Variants in C1QTNF9B observed in about 807,000 individuals in gnomAD.
The protein encoded by C1QTNF9B is complement C1q and tumor necrosis factor-related protein 9B.
In C1QTNF9B, 9 loss-of-function variants were observed where a neutral mutation model predicts 10.1. The ratio of observed to expected loss-of-function variants is 0.89; its 90% confidence interval spans 0.53 to 1.55. C1QTNF9B has a LOEUF of 1.55. Ranked by LOEUF, C1QTNF9B falls within the 40% of genes most tolerant of loss-of-function variation. The probability of loss-of-function intolerance (pLI) is 0.00; values close to 1 mark genes in which losing one functional copy is unlikely to be tolerated. For missense variants in C1QTNF9B, 196 were observed against 414.4 expected, an observed-to-expected ratio of 0.47 and a Z score of 4.58; for synonymous variants, 79 against 159.9, an observed-to-expected ratio of 0.49 and a Z score of 3.82.
chr13:23,897,177 A>T, upstream of C1QTNF9B: 2 of 661,564 alleles, frequency 3.0e-6, no homozygotes, highest in Non-Finnish European at 2.5e-6. Context: ...TATTACCAGG[A>T]TGACATTGTC....
chr13:23,891,663 C>T (rs1430328419), exon 3 of C1QTNF9B: 2 of 1,613,846 alleles, frequency 1.2e-6, no homozygotes, highest in South Asian at 1.1e-5. Context: ...TTGCTCAGCA[C>T]CGTGAGCCCC....
At chr13:23,891,846 C>G in exon 3 of C1QTNF9B, 1 of 1,611,128 alleles carries the variant, frequency 6.2e-7, no homozygotes, top group East Asian at 2.2e-5. Context: ...CCCGGTAAAC[C>G]AGTTGGGCCC....
intron 2 of C1QTNF9B, 130 bp downstream of exon 4, chr13:23,894,009 C>T (rs1872108629): frequency 8.6e-7 from 1 of 1,167,996 alleles, no homozygotes; most frequent in Non-Finnish European, 1.2e-6. Flanking sequence ...GCAGAATCCC[C>T]CCATCTGGAG....
chr13:23,892,555 T>G (rs1298558585), intron 2 of C1QTNF9B, among the ~76,000 whole-genome samples: 1 of 152,180 alleles, frequency 6.6e-6, no homozygotes, highest in Non-Finnish European at 1.5e-5. Flanking sequence ...TTCAGGAGGC[T>G]GAGGTGGGAG....
rs749157116 is a variant in C1QTNF9B, at chr13:23,891,508, A to C, written c.783T>G (p.Asn261Lys). The C allele has an allele frequency of 1.9e-6, 3 of 1,608,008 alleles. No individual in the cohort carries two copies. The South Asian group carries it at 3.3e-5, about 18-fold the overall frequency. The stretch of plus-strand genomic sequence containing the variant: ...CGTTTTTGACCAAAGACACCTGAAC[A>C]TTCCTGGAGAAAACAGTGATGTGGT... The change falls in exon 3 of 3, where the codon AAT becomes AAG. Residue 261 changes from asparagine (N) to lysine (K), a missense_variant. Asn to Lys is a moderately conservative substitution (Grantham distance 94). Transcript: ENST00000382137.
At chr13:23,896,705 T>G in intron 1 of C1QTNF9B, 116 bp downstream of exon 3, 1 of 1,458,046 alleles carries the variant, frequency 6.9e-7, no homozygotes, top group Non-Finnish European at 9.3e-7. Context: ...TGTTGCTGGG[T>G]GGATGGATGG....
upstream of C1QTNF9B, chr13:23,897,104 C>T: frequency 7.0e-7 from 1 of 1,429,540 alleles, no homozygotes. Flanking sequence ...TGAGCTGTCC[C>T]CTGCCCCAGA....
intron 2 of C1QTNF9B, among the ~76,000 whole-genome samples, 184 bp downstream of exon 4, chr13:23,893,955 G>C (rs1022675994): frequency 2.6e-5 from 4 of 152,156 alleles, no homozygotes; most frequent in Admixed American, 6.5e-5. Context: ...GTGTGGAGTT[G>C]AGAATATTTA....
chr13:23,895,925 C>T (rs1306897444), intron 1 of C1QTNF9B, among the ~76,000 whole-genome samples: 1 of 152,146 alleles, frequency 6.6e-6, no homozygotes, highest in Admixed American at 6.5e-5. Context: ...CAGGAGAAGA[C>T]ACCTCACAGA....
intron 1 of C1QTNF9B, among the ~76,000 whole-genome samples, chr13:23,895,758 C>T (rs57668981): frequency 7.0e-6 from 1 of 142,474 alleles, no homozygotes; most frequent in African/African-American, 2.7e-5. Flanking sequence ...CACAGACATA[C>T]ACACACACAC....
intron 2 of C1QTNF9B, 193 bp from the exon 5 acceptor site, chr13:23,892,254 C>T (rs940548501): frequency 4.7e-5 from 51 of 1,080,882 alleles, no homozygotes; most frequent in Non-Finnish European, 6.1e-5. Flanking sequence ...CTTGGGAGAC[C>T]GCGGCAGGAG....
At position 23,896,102 on chromosome 13, in the gene C1QTNF9B, A is replaced by G. The variant is rs140983740; in HGVS notation, c.166+719T>C. On this transcript the variant is annotated intron_variant, in intron 1 of 2. Coordinates refer to ENST00000382137, the Ensembl canonical transcript of C1QTNF9B. ...TAGAAGTTTTGATATTTTCTTTCTA[A>G]TGCCACTGAACTGTGCTCTTAACCC... 6.4e-3 allele frequency among the ~76,000 whole-genome samples: 979 copies of G among 152,364 alleles called. 12 individuals carry two copies. Among genetic ancestry groups the G allele is most frequent in the African/African-American group, 0.021 (866 of 41,588 alleles).
At chr13:23,893,865 G>A (rs1419068647) in intron 2 of C1QTNF9B, among the ~76,000 whole-genome samples, 2 of 152,138 alleles carry the variant, frequency 1.3e-5, no homozygotes, top group Non-Finnish European at 2.9e-5. Flanking sequence ...TGGTGTCACT[G>A]GAACAGAGCC....
chr13:23,892,363 C>G (rs1872035613), intron 2 of C1QTNF9B, among the ~76,000 whole-genome samples: 1 of 152,130 alleles, frequency 6.6e-6, no homozygotes, highest in South Asian at 2.1e-4. Context: ...AAATAAAATT[C>G]AATTACTCCA....
chr13:23,896,960 G>T lies in C1QTNF9B; in HGVS notation c.27C>A (p.Ala9=), dbSNP rs770772373. ...TTATGTTCCCTGTGCAGATTTCAAT[G>T]GCAAGCAGAAGCCACCAGATCCTCA... is the stretch of plus-strand genomic sequence containing the variant. Residue 9 remains alanine, a synonymous_variant, in exon 1 of 3, where the codon GCC becomes GCA. Coordinates refer to ENST00000382137, the Ensembl canonical transcript of C1QTNF9B. 5.6e-6 allele frequency: 9 copies of T among 1,613,924 alleles called. No individual in the cohort carries two copies. The South Asian group carries it at 9.9e-5, about 18-fold the overall frequency.
intron 1 of C1QTNF9B, among the ~76,000 whole-genome samples, chr13:23,895,863 A>G (rs1357595180): frequency 4.6e-5 from 7 of 152,022 alleles, no homozygotes; most frequent in Admixed American, 6.6e-5. Flanking sequence ...GGACTGGGCT[A>G]TTTGCTACCG....
chr13:23,895,828 A>G lies in C1QTNF9B; in HGVS notation c.166+993T>C, dbSNP rs181050205. ...TGAGGGCAGAAGACCTGATTTCATT[A>G]AGGGTAAGGTTTTAGTATTCATTTG... On this transcript the variant is annotated intron_variant, in intron 1 of 2. Transcript: ENST00000382137. Among the ~76,000 whole-genome samples the G allele has an allele frequency of 2.0e-3, 310 of 152,122 alleles. 2 individuals carry two copies. The highest frequency in any genetic ancestry group is 7.1e-3 in the African/African-American group (296 of 41,530).
At chr13:23,894,678 T>C (rs1170573778) in intron 1 of C1QTNF9B, 1 of 456,284 alleles carries the variant, frequency 2.2e-6, no homozygotes, top group African/African-American at 2.0e-5. Context: ...TACGTGACAC[T>C]ATCCCAAGAT....
At chr13:23,894,911 C>A (rs1237528816) in intron 1 of C1QTNF9B, among the ~76,000 whole-genome samples, 4 of 152,134 alleles carry the variant, frequency 2.6e-5, no homozygotes, top group Non-Finnish European at 5.9e-5. Flanking sequence ...CACAGCTCAC[C>A]CCAGACTCTG....
Sources: gnomAD v4.1 joint callset for allele counts (sites outside exome capture counted in the v4.1 genomes callset) on GRCh38, gnomAD v4.1.1 for gene constraint, MANE v1.5 for transcripts, NCBI Gene and HGNC (gene_info 2026-07-23, HGNC 2026-07-21) for gene names.